The following PTBP3 variants were observed in gnomAD, a reference collection of about 807,000 sequenced individuals.
PTBP3 encodes the protein polypyrimidine tract binding protein 3, also known as polypyrimidine tract-binding protein 3.
Under a neutral mutation model 58.7 loss-of-function variants are expected in PTBP3, and 20 were observed. That is an observed-to-expected ratio of 0.34 (90% CI 0.24 to 0.50). The LOEUF (loss-of-function observed/expected upper bound fraction) is 0.50, where lower values mean the gene tolerates loss of function less well. PTBP3 is among the 20% of genes least tolerant of loss of function. The pLI is 0.98. For missense variants in PTBP3, 509 were observed against 637.2 expected, an observed-to-expected ratio of 0.80 and a Z score of 2.17; for synonymous variants, 185 against 219.8, an observed-to-expected ratio of 0.84 and a Z score of 1.40.
intron 12 of PTBP3, among the ~76,000 whole-genome samples, chr9:112,224,635 G>A (rs773114097): frequency 6.6e-6 from 1 of 152,146 alleles, no homozygotes; most frequent in Non-Finnish European, 1.5e-5. Context: ...ATGTGTGTAT[G>A]TGGCTGTCAG....
chr9:112,257,308 G>T (rs1836410385), intron 5 of PTBP3, among the ~76,000 whole-genome samples: 1 of 152,148 alleles, frequency 6.6e-6, no homozygotes, highest in Non-Finnish European at 1.5e-5. Flanking sequence ...AATGCCTGAG[G>T]TGTGATTTTT....
intron 5 of PTBP3, among the ~76,000 whole-genome samples, chr9:112,260,287 G>A (rs768213880): frequency 1.2e-4 from 19 of 152,016 alleles, no homozygotes; most frequent in Admixed American, 5.9e-4. Context: ...TATAATCCTC[G>A]CAATAAAAAA....
intron 2 of PTBP3, among the ~76,000 whole-genome samples, chr9:112,290,277 G>T (rs1031890216): frequency 1.3e-5 from 2 of 152,062 alleles, no homozygotes; most frequent in Non-Finnish European, 2.9e-5. Context: ...ATATCCAAAT[G>T]ATCAGTAAGC....
chr9:112,378,416 T>A, the PTBP3 span, among the ~76,000 whole-genome samples: 1 of 152,172 alleles, frequency 6.6e-6, no homozygotes, highest in Non-Finnish European at 1.5e-5. Context: ...GAGCTCTCTT[T>A]CCGTAACAAA....
Position 112,323,310 on chromosome 9 carries a change from G to A in PTBP3, c.-52+10160C>T, listed in dbSNP as rs1394451521. Reference sequence around the variant, plus strand: ...AAATCCTGCCTCCTGGAATCACCTCGGATCATGCCTCATTGCCCAATGCCT... The same window carrying A: ...AAATCCTGCCTCCTGGAATCACCTCAGATCATGCCTCATTGCCCAATGCCT... On this transcript the variant is annotated intron_variant, in intron 1 of 13. Transcript: ENST00000374257. Among the ~76,000 whole-genome samples the A allele has an allele frequency of 3.9e-5, 6 of 152,138 alleles. No individual in the cohort carries two copies. The East Asian group carries it at 5.8e-4, about 15-fold the overall frequency.
At chr9:112,371,479 C>T in the PTBP3 span, among the ~76,000 whole-genome samples, 1 of 152,100 alleles carries the variant, frequency 6.6e-6, no homozygotes, top group African/African-American at 2.4e-5. Flanking sequence ...GGTTGGTGGA[C>T]ATTCCACATG....
chr9:112,304,835 G>A (rs1829108131), intron 1 of PTBP3, among the ~76,000 whole-genome samples: 1 of 151,916 alleles, frequency 6.6e-6, no homozygotes, highest in Non-Finnish European at 1.5e-5. Context: ...ATTTTGCCCA[G>A]GCTGCATCAC....
At chr9:112,333,061 C>CCCGCCCCGCGCG in intron 1 of PTBP3, 2 of 1,269,584 alleles carry the variant, frequency 1.6e-6, no homozygotes, top group Non-Finnish European at 2.0e-6. Flanking sequence ...CAGGAGGACG[C>CCCGCCCCGCGCG]CCGCCCCGCG....
chr9:112,253,575 T>A (rs1041008421), intron 5 of PTBP3, among the ~76,000 whole-genome samples: 5 of 152,220 alleles, frequency 3.3e-5, no homozygotes, highest in African/African-American at 1.2e-4. Flanking sequence ...AGTTTTACTC[T>A]GTTGATATGG....
chr9:112,334,388 A>G (rs894928181), upstream of PTBP3, among the ~76,000 whole-genome samples: 25 of 152,336 alleles, frequency 1.6e-4, no homozygotes, highest in African/African-American at 5.5e-4. Flanking sequence ...ATGAAAATAC[A>G]TATACAAAGA....
chr9:112,276,051 T>A, intron 2 of PTBP3, 38 bp from the exon 3 acceptor site: 1 of 1,560,308 alleles, frequency 6.4e-7, no homozygotes, highest in Non-Finnish European at 8.8e-7. Flanking sequence ...TTACTGCAAC[T>A]AATTTGGGTT....
chr9:112,255,319 T>C (rs925307368), intron 5 of PTBP3, among the ~76,000 whole-genome samples: 2 of 152,172 alleles, frequency 1.3e-5, no homozygotes, highest in Non-Finnish European at 2.9e-5. Context: ...AATGTGAATA[T>C]ACTTAATGTC....
rs527913525 is a variant in PTBP3, at chr9:112,279,116, T to C, written c.35-3103A>G. Reference sequence around the variant, plus strand: ...GGGTTATATGTAAAGATTTGATAAATAATCTGAAGATGAAGAATGTATACC... The same window carrying C: ...GGGTTATATGTAAAGATTTGATAAACAATCTGAAGATGAAGAATGTATACC... On this transcript the variant is annotated intron_variant, in intron 2 of 13. Coordinates refer to ENST00000374257, the MANE Select transcript of PTBP3 (RefSeq NM_001163788.4). 3.3e-5 allele frequency among the ~76,000 whole-genome samples: 5 copies of C among 152,294 alleles called. No individual in the cohort carries two copies. In the South Asian group the frequency reaches 1.0e-3, roughly 32 times the overall value.
At chr9:112,316,525 C>G (rs1829709478) in intron 1 of PTBP3, among the ~76,000 whole-genome samples, 1 of 152,170 alleles carries the variant, frequency 6.6e-6, no homozygotes, top group Admixed American at 6.5e-5. Flanking sequence ...CCCACCAGCA[C>G]CTTGTAAAAG....
At chr9:112,311,377 C>T (rs985137305) in intron 1 of PTBP3, among the ~76,000 whole-genome samples, 3 of 151,904 alleles carry the variant, frequency 2.0e-5, no homozygotes, top group Admixed American at 1.3e-4. Flanking sequence ...AGCATTAAAT[C>T]GTATTATAAA....
intron 2 of PTBP3, among the ~76,000 whole-genome samples, chr9:112,282,968 T>C (rs1319500502): frequency 6.6e-6 from 1 of 152,140 alleles, no homozygotes; most frequent in African/African-American, 2.4e-5. Context: ...GATCTGATGG[T>C]TGTATAAGTG....
the PTBP3 span, among the ~76,000 whole-genome samples, chr9:112,376,126 A>C: frequency 6.9e-6 from 1 of 144,104 alleles, no homozygotes; most frequent in Non-Finnish European, 1.5e-5. Context: ...TTCTGGTACC[A>C]AAATCCGTAT....
intron 2 of PTBP3, among the ~76,000 whole-genome samples, chr9:112,288,283 A>C (rs1190102804): frequency 6.6e-6 from 1 of 152,154 alleles, no homozygotes; most frequent in Non-Finnish European, 1.5e-5. Flanking sequence ...CTGGAAAGTT[A>C]AGCTTATAGC....
Position 112,222,635 on chromosome 9 carries a change from A to T in PTBP3, c.*1216T>A. ...GCACCAAGCACCAAAAATTTGATAA[A>T]AACTATTACTTATTGAAAACCACTT... On this transcript the variant is annotated 3_prime_UTR_variant, in exon 14 of 14. Coordinates refer to ENST00000374257, the MANE Select transcript of PTBP3 (RefSeq NM_001163788.4). 1 of 985,836 alleles carries T rather than the reference A, an allele frequency of 1.0e-6. No homozygotes were observed. Among genetic ancestry groups the T allele is most frequent in the Non-Finnish European group, 1.2e-6 (1 of 829,904 alleles). The allele number at this position is 985,836 out of a possible 1,614,324, so 61.1% of individuals were successfully genotyped here.
Sources: allele counts gnomAD v4.1 joint callset (sites outside exome capture counted in the v4.1 genomes callset), GRCh38; gene constraint gnomAD v4.1.1; transcripts MANE v1.5; gene names NCBI Gene and HGNC (gene_info 2026-07-23, HGNC 2026-07-21).